Variants in SYCP1 observed in about 807,000 individuals in gnomAD.
The protein encoded by SYCP1 is cancer/testis antigen 8.
SYCP1 carries 64 observed loss-of-function variants against 153.1 expected under a neutral mutation model. The observed-to-expected ratio is 0.42, with a 90% CI of 0.34 to 0.51. The LOEUF is 0.51. Among genes scored for constraint, SYCP1 ranks in the 20% least tolerant of loss-of-function variants. The pLI is 0.06. For missense variants in SYCP1, 997 were observed against 1,049.0 expected (o/e 0.95, Z 0.68); for synonymous variants, 384 against 341.8 (o/e 1.12, Z -1.36).
chr1:114,898,108 T>A (rs1193830754), intron 16 of SYCP1, among the ~76,000 whole-genome samples: 2 of 152,190 alleles, frequency 1.3e-5, no homozygotes, highest in Non-Finnish European at 2.9e-5. Context: ...TAACTTCCCT[T>A]ATTGTCAGCC....
At chr1:114,859,678 A>G in intron 6 of SYCP1, 65 bp from the exon 7 acceptor site, 2 of 847,618 alleles carry the variant, frequency 2.4e-6, no homozygotes, top group Non-Finnish European at 3.2e-6. Context: ...CTGCTTAATG[A>G]TTATATTCGT....
intron 30 of SYCP1, among the ~76,000 whole-genome samples, chr1:114,988,870 T>A (rs898429281): frequency 1.2e-4 from 18 of 152,022 alleles, no homozygotes; most frequent in Admixed American, 7.9e-4. Context: ...TGTATAAAGA[T>A]GTAGTTTGTG....
At chr1:114,947,736 C>G (rs1226152102) in intron 27 of SYCP1, among the ~76,000 whole-genome samples, 2 of 138,244 alleles carry the variant, frequency 1.4e-5, no homozygotes, top group Non-Finnish European at 3.0e-5. Context: ...TGGCGTGAAC[C>G]CGGGAGGCGG....
intron 12 of SYCP1, among the ~76,000 whole-genome samples, chr1:114,881,056 T>TATACAC (rs375436670): frequency 0.015 from 2,159 of 145,032 alleles, 25 homozygotes; most frequent in Middle Eastern, 0.055. Context: ...TTTGTGTATA[T>TATACAC]ACACACACAC....
At chr1:114,858,448 T>TGGTCTCAA in intron 5 of SYCP1, 99 bp from the exon 6 acceptor site, 1 of 935,002 alleles carries the variant, frequency 1.1e-6, no homozygotes, top group Non-Finnish European at 1.5e-6. Flanking sequence ...AGGAGATATT[T>TGGTCTCAA]GGTCTCAACT....
intron 23 of SYCP1, among the ~76,000 whole-genome samples, chr1:114,936,522 C>T (rs1217369197): frequency 3.9e-5 from 6 of 152,108 alleles, no homozygotes; most frequent in East Asian, 1.9e-4. Context: ...TCACCACTCC[C>T]ATTCAACATA....
In SYCP1 at chr1:114,896,622, T is replaced by C. The variant is rs1037727261; in HGVS notation, c.1320+1113T>C. Among the ~76,000 whole-genome samples, 7 of 152,348 alleles carry C rather than the reference T, an allele frequency of 4.6e-5. No individual in the cohort carries two copies. In the South Asian group the frequency reaches 1.4e-3, roughly 32 times the overall value. The stretch of plus-strand genomic sequence containing the variant: ...CAATAAATAAATAGTGGAATGAATG[T>C]ATGCTTCAATAAGGGTTAGGAGCCT... On this transcript the variant is annotated intron_variant, in intron 16 of 31. Transcript: ENST00000369522.
intron 12 of SYCP1, among the ~76,000 whole-genome samples, chr1:114,881,056 T>TATATATATACACACAC (rs375436670): frequency 6.9e-6 from 1 of 144,938 alleles, no homozygotes; most frequent in African/African-American, 2.6e-5. Context: ...TTTGTGTATA[T>TATATATATACACACAC]ACACACACAC....
intron 23 of SYCP1, 67 bp downstream of exon 23, chr1:114,926,630 C>G: frequency 7.6e-7 from 1 of 1,320,808 alleles, no homozygotes; most frequent in Non-Finnish European, 1.0e-6. Context: ...ACATTTTATT[C>G]CACTTGTTTA....
chr1:114,899,872 A>C (rs1442610800), intron 16 of SYCP1, among the ~76,000 whole-genome samples: 1 of 152,232 alleles, frequency 6.6e-6, no homozygotes, highest in Non-Finnish European at 1.5e-5. Context: ...AGCATCGGAA[A>C]AGCCTGGCGT....
chr1:114,879,872 T>TTA, intron 12 of SYCP1, among the ~76,000 whole-genome samples: 1 of 152,192 alleles, frequency 6.6e-6, no homozygotes, highest in Non-Finnish European at 1.5e-5. Flanking sequence ...CTAATTTGCT[T>TTA]TAAATCTATC....
intron 12 of SYCP1, among the ~76,000 whole-genome samples, chr1:114,884,454 A>G (rs934500066): frequency 6.6e-6 from 1 of 152,110 alleles, no homozygotes; most frequent in Admixed American, 6.6e-5. Flanking sequence ...GTCTCCCTGT[A>G]CCTCTAACCT....
intron 27 of SYCP1, among the ~76,000 whole-genome samples, chr1:114,948,883 T>A (rs1396441257): frequency 6.6e-6 from 1 of 152,216 alleles, no homozygotes; most frequent in East Asian, 1.9e-4. Flanking sequence ...CCCTCAGCAA[T>A]CTTTACTTTT....
At position 114,947,310 on chromosome 1, in the gene SYCP1, G is replaced by T. The variant is rs1003629021; in HGVS notation, c.2312G>T (p.Arg771Ile). 101 of 1,612,546 alleles carry T rather than the reference G, an allele frequency of 6.3e-5. 2 individuals carry two copies. In the East Asian group the frequency reaches 2.2e-3, roughly 36 times the overall value. Residue 771 changes from arginine (R) to isoleucine (I), a missense_variant, in exon 27 of 32, where the codon AGA (arginine) becomes ATA (isoleucine). Physicochemically the swap from Arg to Ile is moderately conservative, Grantham distance 97. Around this residue, in one of 2 missense-constraint regions of SYCP1, gnomAD observed 712 missense variants for 682.9 expected, o/e 1.04. Coordinates refer to ENST00000369522, the MANE Select transcript of SYCP1 (RefSeq NM_003176.4). ...LSVKKQLEIE[R>I]EEKEKLKREA... ...GTTAAGAAGCAACTTGAAATAGAAA[G>T]AGAAGAGAAGGTAGGTTTTTTGGCA...
At chr1:114,927,045 A>G (rs918208963) in intron 23 of SYCP1, among the ~76,000 whole-genome samples, 6 of 152,114 alleles carry the variant, frequency 3.9e-5, no homozygotes, top group African/African-American at 1.4e-4. Flanking sequence ...TCTTTGAACA[A>G]TGACTGACAG....
At chr1:114,885,804 A>C (rs1341827556) in intron 13 of SYCP1, among the ~76,000 whole-genome samples, 175 bp downstream of exon 13, 1 of 152,194 alleles carries the variant, frequency 6.6e-6, no homozygotes, top group Admixed American at 6.5e-5. Flanking sequence ...AAACACATCA[A>C]AAGTATAATT....
chr1:114,948,017 C>T (rs1670853576), intron 27 of SYCP1, among the ~76,000 whole-genome samples: 3 of 151,314 alleles, frequency 2.0e-5, no homozygotes, highest in African/African-American at 4.9e-5. Context: ...ATTAACTCGT[C>T]GTTTAACGTT....
chr1:114,874,561 T>C lies in SYCP1; in HGVS notation c.654T>C (p.Ile218=), dbSNP rs369826248. Residue 218 remains isoleucine, a synonymous_variant, in exon 9 of 32, where the codon ATT becomes ATC. Coordinates refer to ENST00000369522, the MANE Select transcript of SYCP1 (RefSeq NM_003176.4). ...RQVYMDLNNN[I]EKMITAFEEL... is the part of the protein sequence containing the mutation. The stretch of plus-strand genomic sequence containing the variant: ...TTTATATGGATCTAAATAATAACAT[T>C]GAGGTGAGTGTTAATGAAATCTGAG... 363 of 1,568,710 alleles carry C rather than the reference T, an allele frequency of 2.3e-4. No individual in the cohort carries two copies. Among genetic ancestry groups the C allele is most frequent in the Non-Finnish European group, 2.9e-4 (331 of 1,153,940 alleles).
intron 27 of SYCP1, among the ~76,000 whole-genome samples, chr1:114,972,746 A>G (rs1672575507): frequency 6.6e-6 from 1 of 152,122 alleles, no homozygotes; most frequent in African/African-American, 2.4e-5. Flanking sequence ...GGTTTATTTC[A>G]TTGTTGTCAG....
Sources: allele counts gnomAD v4.1 joint callset (sites outside exome capture counted in the v4.1 genomes callset), GRCh38; gene constraint gnomAD v4.1.1; regional missense constraint gnomAD v4.1.1; transcripts MANE v1.5; gene names NCBI Gene and HGNC (gene_info 2026-07-23, HGNC 2026-07-21).